Variants in SGIP1 observed in about 807,000 individuals in gnomAD.
The protein encoded by SGIP1 is SH3-containing GRB2-like protein 3-interacting protein 1.
SGIP1 carries 38 observed loss-of-function variants against 107.5 expected under a neutral mutation model. The observed-to-expected ratio is 0.35, with a 90% confidence interval of 0.27 to 0.46. The LOEUF (loss-of-function observed/expected upper bound fraction) is 0.46, where lower values mean the gene tolerates loss of function less well. Ranked by LOEUF, SGIP1 falls within the 20% of genes least tolerant of loss-of-function variation. The probability of loss-of-function intolerance (pLI) is 1.00; values close to 1 mark genes in which losing one functional copy is unlikely to be tolerated. For missense variants in SGIP1, 929 were observed against 1,019.5 expected (o/e 0.91, Z 1.21); for synonymous variants, 365 against 366.1 (o/e 1.00, Z 0.03).
chr1:66,672,326 AC>A (rs1376050156), intron 11 of SGIP1, among the ~76,000 whole-genome samples: 1 of 152,122 alleles, frequency 6.6e-6, no homozygotes, highest in African/African-American at 2.4e-5. Context: ...ATATTACCCT[AC>A]GAAAAGAAGC....
At chr1:66,664,964 T>C (rs1270024207) in intron 8 of SGIP1, among the ~76,000 whole-genome samples, 1 of 152,056 alleles carries the variant, frequency 6.6e-6, no homozygotes, top group African/African-American at 2.4e-5. Flanking sequence ...GTGCTTTTGT[T>C]GTTGTTGTTG....
Position 66,588,637 on chromosome 1 carries a change from T to C in SGIP1, c.11-37210T>C, listed in dbSNP as rs540991789. Reference sequence around the variant, plus strand: ...TAATTTTTCACTCTTTCTAGTTAGTTCTTTTTTTTTTTTTTTTTTTTTGCA... The same window carrying C: ...TAATTTTTCACTCTTTCTAGTTAGTCCTTTTTTTTTTTTTTTTTTTTTGCA... On this transcript the variant is annotated intron_variant, in intron 1 of 24. Coordinates refer to ENST00000371037, the MANE Select transcript of SGIP1 (RefSeq NM_032291.4). 4.8e-5 allele frequency among the ~76,000 whole-genome samples: 6 copies of C among 125,662 alleles called. 1 individual carries two copies. The East Asian group carries it at 1.6e-3, about 33-fold the overall frequency. 82.4% of individuals were successfully genotyped at this position (125,662 alleles called of 152,430 possible). A position where few individuals can be genotyped will look rare whatever the true frequency, so the allele number is the denominator to read the frequency against.
Position 66,534,202 on chromosome 1 carries a change from G to C in SGIP1, c.-157G>C. 1.4e-6 allele frequency: 1 copy of C among 714,064 alleles called. No homozygotes were observed. The highest frequency in any genetic ancestry group is 1.7e-5 in the South Asian group (1 of 58,090). The allele number at this position is 714,064 out of a possible 1,614,324, so 44.2% of individuals were successfully genotyped here. On this transcript the variant is annotated 5_prime_UTR_variant, in exon 1 of 25. The change abolishes an upstream ATG in the 5' untranslated region. Coordinates refer to ENST00000371037, the MANE Select transcript of SGIP1 (RefSeq NM_032291.4). ...GTGAAGAAGCACCAGCAGCATCCAT[G>C]GCCTGTCTTTTGGCTTAACACTTAT...
intron 1 of SGIP1, among the ~76,000 whole-genome samples, chr1:66,550,634 CTATCAT>C (rs2057263623): frequency 6.6e-6 from 1 of 152,110 alleles, no homozygotes; most frequent in Admixed American, 6.6e-5. Flanking sequence ...ATAAAAATAG[CTATCAT>C]TTCTTGAGCT....
rs74526981 is a variant in SGIP1 at position 66,691,083 on chromosome 1, A to C, written c.1570+767A>C. Among the ~76,000 whole-genome samples, 681 of 152,086 alleles carry C rather than the reference A, an allele frequency of 4.5e-3. 21 individuals carry two copies. The East Asian group carries it at 0.059, about 13-fold the overall frequency. On this transcript the variant is annotated intron_variant, in intron 17 of 24. Transcript: ENST00000371037. ...TTCCTATTGCCTCTCTCATTTTTGC[A>C]TGGTGTCTCCCACCTAGGGCTTTCC... is the stretch of plus-strand genomic sequence containing the variant.
At chr1:66,657,036 C>T (rs6656752) in intron 7 of SGIP1, among the ~76,000 whole-genome samples, 39,841 of 151,622 alleles carry the variant, frequency 0.26, 5,304 homozygotes, top group Admixed American at 0.28. Flanking sequence ...ATTACCCAGG[C>T]GCAGTGGCAT....
At chr1:66,565,963 T>A (rs1412406445) in intron 1 of SGIP1, among the ~76,000 whole-genome samples, 1 of 152,052 alleles carries the variant, frequency 6.6e-6, no homozygotes, top group Admixed American at 6.6e-5. Flanking sequence ...CATCTCATTC[T>A]CATTTGCCAG....
intron 8 of SGIP1, among the ~76,000 whole-genome samples, chr1:66,662,812 T>C (rs2081784152): frequency 6.6e-6 from 1 of 152,200 alleles, no homozygotes; most frequent in African/African-American, 2.4e-5. Context: ...TTGAACACAG[T>C]ATTTAATTAG....
intron 1 of SGIP1, among the ~76,000 whole-genome samples, chr1:66,610,255 G>T (rs1028781543): frequency 6.6e-6 from 1 of 152,154 alleles, no homozygotes; most frequent in Non-Finnish European, 1.5e-5. Flanking sequence ...GTATGAGTTT[G>T]TGTTCTCTCT....
Position 66,639,812 on chromosome 1 carries a change from G to T in SGIP1, c.207G>T (p.Ala69=). Residue 69 remains alanine, a synonymous_variant, in exon 5 of 25, where the codon GCG becomes GCT. Transcript: ENST00000371037. ...ATGGGGCACCAAATGGATTTTATGC[G>T]GAAATTGATTGGGAAAGATATGTGA... ...KSNGAPNGFY[A]EIDWERYNSP... is the part of the protein sequence containing the mutation. 1 of 1,611,724 alleles carries T rather than the reference G, an allele frequency of 6.2e-7. No individual in the cohort carries two copies. Among genetic ancestry groups the T allele is most frequent in the Non-Finnish European group, 8.5e-7 (1 of 1,178,632 alleles).
In SGIP1 at chr1:66,742,339, G is replaced by A. The variant is rs1200859801; in HGVS notation, c.2465-734G>A. On this transcript the variant is annotated intron_variant, in intron 24 of 24. Transcript: ENST00000371037. ...AATACTAGAGTGATTATACTTTTCAGTGATTTGCTGGGATAAATCCTGGTT... is the reference window on the plus strand; with the variant it reads ...AATACTAGAGTGATTATACTTTTCAATGATTTGCTGGGATAAATCCTGGTT... 2.0e-5 allele frequency among the ~76,000 whole-genome samples: 3 copies of A among 151,538 alleles called. No individual in the cohort carries two copies. The South Asian group carries it at 6.2e-4, about 32-fold the overall frequency.
chr1:66,591,693 C>T (rs980173100), intron 1 of SGIP1, among the ~76,000 whole-genome samples: 2 of 152,150 alleles, frequency 1.3e-5, no homozygotes, highest in African/African-American at 4.8e-5. Flanking sequence ...GACTGGCGCT[C>T]AGCATAGGGA....
At chr1:66,723,504 C>T (rs949424246) in intron 19 of SGIP1, among the ~76,000 whole-genome samples, 1 of 152,102 alleles carries the variant, frequency 6.6e-6, no homozygotes, top group African/African-American at 2.4e-5. Flanking sequence ...AACATTGGTG[C>T]TTAAAAACAA....
At chr1:66,689,391 C>T (rs751744552) in intron 16 of SGIP1, 116 bp downstream of exon 16, 2 of 1,327,428 alleles carry the variant, frequency 1.5e-6, no homozygotes, top group Non-Finnish European at 2.0e-6. Flanking sequence ...TGACAGGTGG[C>T]ATCTGAAAGA....
chr1:66,623,703 A>G (rs1406638127), intron 1 of SGIP1, among the ~76,000 whole-genome samples: 1 of 152,224 alleles, frequency 6.6e-6, no homozygotes, highest in Non-Finnish European at 1.5e-5. Context: ...AGATATAGGC[A>G]TGGCATTTTG....
chr1:66,543,797 G>T (rs2055618035), intron 1 of SGIP1, among the ~76,000 whole-genome samples: 1 of 152,132 alleles, frequency 6.6e-6, no homozygotes, highest in Non-Finnish European at 1.5e-5. Context: ...ATTTGTAAGG[G>T]GAGAATAATG....
At chr1:66,646,088 G>A (rs544049539) in intron 7 of SGIP1, among the ~76,000 whole-genome samples, 3 of 152,188 alleles carry the variant, frequency 2.0e-5, no homozygotes, top group Admixed American at 6.5e-5. Flanking sequence ...TGATTCGTCC[G>A]CCTTAGCTTC....
chr1:66,623,487 G>A (rs989079214), intron 1 of SGIP1, among the ~76,000 whole-genome samples: 2 of 152,206 alleles, frequency 1.3e-5, no homozygotes, highest in African/African-American at 4.8e-5. Flanking sequence ...CTGACCTCAA[G>A]TGATCCACCC....
chr1:66,537,747 T>G (rs1327212907), intron 1 of SGIP1, among the ~76,000 whole-genome samples: 1 of 152,230 alleles, frequency 6.6e-6, no homozygotes, highest in East Asian at 1.9e-4. Flanking sequence ...TATTTACTAC[T>G]CATAATAACC....
Sources: allele counts gnomAD v4.1 joint callset (sites outside exome capture counted in the v4.1 genomes callset), GRCh38; gene constraint gnomAD v4.1.1; transcripts MANE v1.5; gene names NCBI Gene and HGNC (gene_info 2026-07-23, HGNC 2026-07-21).